Variants in NLRP1 observed in about 807,000 individuals in gnomAD.
NLRP1 encodes the protein NACHT, LRR and PYD domains-containing protein 1.
In NLRP1, 94 loss-of-function variants were observed where a neutral mutation model predicts 136.7. The ratio of observed to expected loss-of-function variants is 0.69; its 90% CI spans 0.58 to 0.82. The LOEUF (loss-of-function observed/expected upper bound fraction) is 0.82. Ranked by LOEUF, NLRP1 falls within the 40% of genes least tolerant of loss-of-function variation. NLRP1 has a pLI of 0.00. For missense variants in NLRP1, 1,575 were observed against 1,802.7 expected, an observed-to-expected ratio of 0.87 and a Z score of 2.29; for synonymous variants, 690 against 725.1, an observed-to-expected ratio of 0.95 and a Z score of 0.78.
intron 3 of NLRP1, among the ~76,000 whole-genome samples, chr17:5,579,771 G>C (rs1200685058): frequency 6.6e-6 from 1 of 152,186 alleles, no homozygotes; most frequent in Non-Finnish European, 1.5e-5. Flanking sequence ...GCAGCAACTT[G>C]AATGGAGTTG....
intron 11 of NLRP1, 42 bp from the exon 12 acceptor site, chr17:5,530,746 C>T (rs1910133105): frequency 1.3e-6 from 2 of 1,491,732 alleles, no homozygotes; most frequent in East Asian, 2.3e-5. Flanking sequence ...TGCACGAACT[C>T]ACTGAGCACC....
chr17:5,554,021 C>T (rs528169949), intron 4 of NLRP1, among the ~76,000 whole-genome samples: 1 of 152,116 alleles, frequency 6.6e-6, no homozygotes, highest in Non-Finnish European at 1.5e-5. Flanking sequence ...GTTCCTTTGG[C>T]ACAGACATTC....
At chr17:5,549,885 T>A (rs1913117625) in intron 5 of NLRP1, among the ~76,000 whole-genome samples, 1 of 152,210 alleles carries the variant, frequency 6.6e-6, no homozygotes, top group African/African-American at 2.4e-5. Context: ...ATTTCTAGTT[T>A]GCTGAGTGTT....
At chr17:5,576,998 C>G (rs1231481151) in intron 3 of NLRP1, among the ~76,000 whole-genome samples, 1 of 152,126 alleles carries the variant, frequency 6.6e-6, no homozygotes, top group Admixed American at 6.6e-5. Flanking sequence ...ATAAACACAA[C>G]CAAAGACAAA....
In NLRP1 at chr17:5,559,694, C is replaced by A. The variant is rs1567662096; in HGVS notation, c.1002G>T (p.Gly334=). 2 of 1,614,238 alleles carry A rather than the reference C, an allele frequency of 1.2e-6. No homozygotes were observed. Among genetic ancestry groups the A allele is most frequent in the Non-Finnish European group, 1.7e-6 (2 of 1,180,050 alleles). The change falls in exon 4 of 17, where the codon GGG becomes GGT. Residue 334 remains glycine (G), a synonymous_variant. Coordinates refer to ENST00000572272, the MANE Select transcript of NLRP1 (RefSeq NM_033004.4). The part of the protein sequence containing the change: ...TQEPRIVILQ[G]AAGIGKSTLA... ...GTGTTGACTTCCCAATTCCAGCAGC[C>A]CCCTGCAGTATGACTATGCGAGGTT...
chr17:5,552,029 C>A (rs923838031), intron 5 of NLRP1, among the ~76,000 whole-genome samples: 3 of 150,294 alleles, frequency 2.0e-5, no homozygotes, highest in Non-Finnish European at 4.4e-5. Context: ...CCTGCCTTGG[C>A]CTTCCAAAGA....
At chr17:5,517,360 C>CCCCA (rs1567630343) in intron 15 of NLRP1, among the ~76,000 whole-genome samples, 1 of 74,778 alleles carries the variant, frequency 1.3e-5, no homozygotes, top group Non-Finnish European at 3.2e-5. Flanking sequence ...ACCCCCCCCC[C>CCCCA]TCCCACATAC....
rs200917145 is a variant in NLRP1, at chr17:5,545,364, C to CCA, written c.2529-3339_2529-3338dup. On this transcript the variant is annotated intron_variant, in intron 5 of 16. Coordinates refer to ENST00000572272, the MANE Select transcript of NLRP1 (RefSeq NM_033004.4). ...CACACACACACACACACACAGACAC[C>CCA]CACACAGACACAGACACCCACACAC... 3.4e-4 allele frequency among the ~76,000 whole-genome samples: 47 copies of CCA among 139,174 alleles called. 1 individual carries two copies. Among genetic ancestry groups the CCA allele is most frequent in the Admixed American group, 3.2e-3 (45 of 14,074 alleles). 91.3% of individuals were successfully genotyped at this position (139,174 alleles called of 152,430 possible).
intron 12 of NLRP1, among the ~76,000 whole-genome samples, chr17:5,525,146 G>A (rs951089625): frequency 6.6e-6 from 1 of 152,184 alleles, no homozygotes; most frequent in East Asian, 1.9e-4. Flanking sequence ...TTTAGAAAAA[G>A]CTATCATGAG....
chr17:5,546,515 C>T (rs1912679841), intron 5 of NLRP1, among the ~76,000 whole-genome samples: 1 of 152,286 alleles, frequency 6.6e-6, no homozygotes, highest in Middle Eastern at 3.4e-3. Context: ...CTCTCCAACC[C>T]CACTCCCGCC....
chr17:5,506,277 T>C lies in NLRP1; in HGVS notation c.4070-4405A>G, dbSNP rs532350424. On this transcript the variant is annotated intron_variant, in intron 15 of 15. Transcript: ENST00000262467. ...CCAGTCTGGGCAACAAGAACAAAAGTCTGTCTCAAAAAAAAAAAAAAAAAT... is the reference window on the plus strand; with the variant it reads ...CCAGTCTGGGCAACAAGAACAAAAGCCTGTCTCAAAAAAAAAAAAAAAAAT... Among the ~76,000 whole-genome samples the C allele has an allele frequency of 1.1e-3, 136 of 128,612 alleles. 1 individual carries two copies. Among genetic ancestry groups the C allele is most frequent in the African/African-American group, 4.6e-3 (134 of 29,054 alleles). The allele number at this position is 128,612 out of a possible 152,430, so 84.4% of individuals were successfully genotyped here.
chr17:5,569,158 C>G (rs1761737348), intron 3 of NLRP1, among the ~76,000 whole-genome samples: 1 of 152,142 alleles, frequency 6.6e-6, no homozygotes, highest in Non-Finnish European at 1.5e-5. Context: ...CCATCACTGG[C>G]CACCATAAAA....
chr17:5,518,575 T>TC (rs1567631424), intron 14 of NLRP1: 1 of 148,580 alleles, frequency 6.7e-6, no homozygotes, highest in Non-Finnish European at 1.5e-5. Flanking sequence ...TTGTTTCTTT[T>TC]TTTTTTTTTT....
At position 5,558,357 on chromosome 17, in the gene NLRP1, C is replaced by T. The variant is rs555859403; in HGVS notation, c.2339G>A (p.Ser780Asn). Residue 780 changes from serine (S) to asparagine (N), a missense_variant, in exon 4 of 17, where the codon AGC (serine) becomes AAC (asparagine). By Grantham distance (46) the Ser-to-Asn change is conservative. Coordinates refer to ENST00000572272, the MANE Select transcript of NLRP1 (RefSeq NM_033004.4). ...IEGRQHRSTW[S>N]PTMVVLFRWV... The stretch of plus-strand genomic sequence containing the variant: ...TACTCACAGGACTACCATGGTGGGG[C>T]TCCATGTTGATCTGTGCTGCCTGCC... 1.2e-6 allele frequency: 2 copies of T among 1,608,264 alleles called. No homozygotes were observed. Among genetic ancestry groups the T allele is most frequent in the East Asian group, 2.2e-5 (1 of 44,806 alleles).
rs757265199 is a variant in NLRP1, at chr17:5,501,483, C to CA, written c.*330dup. On this transcript the variant is annotated 3_prime_UTR_variant, in exon 16 of 16. Coordinates refer to the NLRP1 transcript ENST00000262467. ...CTAGAAATTGAGAAAACAGTGTAGG[C>CA]AAAATCAGTAGTAAAATAAAGCCTC... 3.3e-5 allele frequency: 7 copies of CA among 210,020 alleles called. No homozygotes were observed. The East Asian group carries it at 5.3e-4, about 16-fold the overall frequency. 13.0% of individuals were successfully genotyped at this position (210,020 alleles called of 1,614,324 possible). A position where few individuals can be genotyped will look rare whatever the true frequency, so the allele number is the denominator to read the frequency against.
chr17:5,516,392 GATGTCTA>G (rs1908120074), intron 15 of NLRP1, among the ~76,000 whole-genome samples: 1 of 152,184 alleles, frequency 6.6e-6, no homozygotes, highest in Non-Finnish European at 1.5e-5. Flanking sequence ...AAGGAGCTGA[GATGTCTA>G]ACTTGCATAA....
chr17:5,541,964 GT>G lies in NLRP1; in HGVS notation c.2591del (p.Asn864ThrfsTer4). The G allele has an allele frequency of 6.2e-7, 1 of 1,614,114 alleles. No homozygotes were observed. Among genetic ancestry groups the G allele is most frequent in the Non-Finnish European group, 8.5e-7 (1 of 1,180,028 alleles). ...CKDLAFGLRA[N>X]QTLTELDLSF... ...TCAGGTCCAGCTCGGTCAGGGTCTG[GT>G]TGGCTCTCAGCCCAAAGGCAAGGTC... On this transcript the variant is annotated frameshift_variant, in exon 6 of 17. Coordinates refer to ENST00000572272, the MANE Select transcript of NLRP1 (RefSeq NM_033004.4). LOFTEE classifies it high-confidence loss of function. This position sits in a 1 kb window ranked among gnomAD's most constrained non-coding sequence, Gnocchi z 4.2.
At chr17:5,548,748 TG>T (rs1912978293) in intron 5 of NLRP1, among the ~76,000 whole-genome samples, 1 of 152,166 alleles carries the variant, frequency 6.6e-6, no homozygotes. Context: ...GTCCTTATCT[TG>T]ACCTCCCAGC....
At chr17:5,568,246 T>TA (rs1555548592) in intron 3 of NLRP1, among the ~76,000 whole-genome samples, 2 of 152,098 alleles carry the variant, frequency 1.3e-5, no homozygotes, top group Non-Finnish European at 2.9e-5. Context: ...TTGTTTTTTT[T>TA]ATTCTTTTTT....
Sources: allele counts gnomAD v4.1 joint callset (sites outside exome capture counted in the v4.1 genomes callset), GRCh38; gene constraint gnomAD v4.1.1; non-coding constraint Gnocchi (gnomAD v3.1); transcripts MANE v1.5; gene names NCBI Gene and HGNC (gene_info 2026-07-23, HGNC 2026-07-21).